Variants in TFRC observed in about 807,000 individuals in gnomAD.
TFRC encodes the protein transferrin receptor.
A neutral mutation model predicts 85.8 loss-of-function variants in TFRC; 35 were observed. The observed-to-expected ratio is 0.41, with a 90% CI of 0.31 to 0.54. The LOEUF is 0.54. TFRC is among the 20% of genes least tolerant of loss of function. TFRC has a pLI of 0.31. For missense variants in TFRC, 828 were observed against 921.5 expected, an observed-to-expected ratio of 0.90 and a Z score of 1.31; for synonymous variants, 362 against 328.6, an observed-to-expected ratio of 1.10 and a Z score of -1.10.
rs1718430397 is a variant in TFRC, at chr3:196,073,818, C to T, written c.434+112G>A. ...CCCTCTTTAGCTAAACATGACAAGT[C>T]TTGTCTTCTCTAACAAGCCATTCCC... On this transcript the variant is annotated intron_variant, in intron 4 of 18. Coordinates refer to ENST00000360110, the MANE Select transcript of TFRC (RefSeq NM_001128148.3). 7 of 1,152,150 alleles carry T rather than the reference C, an allele frequency of 6.1e-6. No individual in the cohort carries two copies. In the South Asian group the frequency reaches 1.2e-4, roughly 20 times the overall value. The allele number at this position is 1,152,150 out of a possible 1,614,324, so 71.4% of individuals were successfully genotyped here.
intron 14 of TFRC, among the ~76,000 whole-genome samples, chr3:196,059,753 T>C (rs750193635): frequency 2.0e-5 from 3 of 146,620 alleles, no homozygotes; most frequent in Admixed American, 6.8e-5. Context: ...CCCAATGCTA[T>C]CCCTCTCCCC....
intron 12 of TFRC, 21 bp from the exon 13 acceptor site, chr3:196,062,666 CTAA>C (rs777385707): frequency 1.9e-6 from 3 of 1,593,252 alleles, no homozygotes; most frequent in Admixed American, 1.8e-5. Context: ...AGGGAAAACA[CTAA>C]TAAGTATAAA....
Position 196,053,401 on chromosome 3 carries a change from C to A in TFRC, c.2040+17G>T, listed in dbSNP as rs773299527. On this transcript the variant is annotated intron_variant, in intron 18 of 18. Transcript: ENST00000360110. ...TTACACATACTTTAGTTCCTCCTTT[C>A]CCAAAAGTTCACTTACTCTCATGAC... 3 of 1,613,890 alleles carry A rather than the reference C, an allele frequency of 1.9e-6. No homozygotes were observed. Among genetic ancestry groups the A allele is most frequent in the Non-Finnish European group, 2.5e-6 (3 of 1,179,938 alleles).
chr3:196,054,980 G>C, intron 17 of TFRC, 100 bp downstream of exon 17: 3 of 1,169,634 alleles, frequency 2.6e-6, no homozygotes, highest in Non-Finnish European at 3.8e-6. Context: ...AATGTACTAT[G>C]GCTACAATCA....
At chr3:196,077,679 G>C (rs1718821940) in intron 1 of TFRC, among the ~76,000 whole-genome samples, 1 of 152,044 alleles carries the variant, frequency 6.6e-6, no homozygotes, top group East Asian at 1.9e-4. Context: ...GTGAACCCAG[G>C]AGGTGGAGCT....
chr3:196,077,611 A>G (rs1418025263), intron 1 of TFRC, among the ~76,000 whole-genome samples: 2 of 151,970 alleles, frequency 1.3e-5, no homozygotes, highest in South Asian at 2.1e-4. Flanking sequence ...AATTAGCCGG[A>G]CGTGGTGGTG....
At chr3:196,076,975 G>C (rs1577255639) in intron 2 of TFRC, 89 bp downstream of exon 2, 1 of 1,184,904 alleles carries the variant, frequency 8.4e-7, no homozygotes, top group East Asian at 2.4e-5. Context: ...TAATAGATTG[G>C]GGTTATTATT....
chr3:196,073,828 C>CT, intron 4 of TFRC, 102 bp downstream of exon 4: 1 of 1,255,026 alleles, frequency 8.0e-7, no homozygotes, highest in Non-Finnish European at 1.1e-6. Context: ...CTTGTCTTCT[C>CT]TAACAAGCCA....
At chr3:196,065,047 CAGGAGCT>C (rs1717598718) in intron 10 of TFRC, among the ~76,000 whole-genome samples, 1 of 151,970 alleles carries the variant, frequency 6.6e-6, no homozygotes. Flanking sequence ...CACCTGAGGT[CAGGAGCT>C]CTGACCTCAT....
intron 1 of TFRC, among the ~76,000 whole-genome samples, chr3:196,080,062 G>C (rs566091870): frequency 6.6e-6 from 1 of 152,304 alleles, no homozygotes; most frequent in East Asian, 1.9e-4. Flanking sequence ...ATTGGACCAG[G>C]AATCTTTTCC....
At chr3:196,067,707 T>A in intron 8 of TFRC, 50 bp from the exon 9 acceptor site, 1 of 1,591,804 alleles carries the variant, frequency 6.3e-7, no homozygotes, top group Non-Finnish European at 8.6e-7. Context: ...CCTCAAAACT[T>A]CTCTGTAAGA....
intron 13 of TFRC, among the ~76,000 whole-genome samples, chr3:196,061,572 C>T (rs1252314830): frequency 2.0e-5 from 3 of 152,086 alleles, no homozygotes; most frequent in African/African-American, 7.2e-5. Context: ...TCACTGCAAC[C>T]TCTGCCTCCC....
chr3:196,062,741 G>A lies in TFRC; in HGVS notation c.1405-96C>T, dbSNP rs773607872. ...CATTTTCAATTCTGGACTCTACTGA[G>A]ACTAAACGCAAAGGCAAAAGTGGTA... On this transcript the variant is annotated intron_variant, in intron 12 of 18. Transcript: ENST00000360110. 5.6e-5 allele frequency: 87 copies of A among 1,542,996 alleles called. 1 individual carries two copies. The highest frequency in any genetic ancestry group is 7.4e-5 in the Non-Finnish European group (83 of 1,122,440).
chr3:196,071,826 C>T (rs912542115), intron 5 of TFRC, among the ~76,000 whole-genome samples, 177 bp downstream of exon 5: 1 of 152,174 alleles, frequency 6.6e-6, no homozygotes, highest in Non-Finnish European at 1.5e-5. Context: ...ATCACTTGAA[C>T]CCAGAAGGCA....
At chr3:196,061,935 GCTCA>G (rs574419532) in intron 13 of TFRC, among the ~76,000 whole-genome samples, 12 of 152,278 alleles carry the variant, frequency 7.9e-5, no homozygotes, top group Non-Finnish European at 1.6e-4. Context: ...AAGCAATTGT[GCTCA>G]CTGTGTAACT....
chr3:196,074,925 T>C (rs920510068), intron 3 of TFRC, among the ~76,000 whole-genome samples: 1 of 147,264 alleles, frequency 6.8e-6, no homozygotes. Context: ...TGGGCGCCTA[T>C]AGTCCCAGCT....
At chr3:196,057,562 C>T (rs920595875) in intron 16 of TFRC, among the ~76,000 whole-genome samples, 1 of 152,166 alleles carries the variant, frequency 6.6e-6, no homozygotes, top group African/African-American at 2.4e-5. Flanking sequence ...TGAGCTACCA[C>T]ATCCAGCACA....
chr3:196,064,637 A>T (rs1717564976), intron 10 of TFRC, among the ~76,000 whole-genome samples: 1 of 152,198 alleles, frequency 6.6e-6, no homozygotes, highest in Admixed American at 6.5e-5. Flanking sequence ...TTTTTCCTAC[A>T]CTACTAATTA....
rs1368605610 is a variant in TFRC at position 196,075,060 on chromosome 3, AAAAAAAT to A, written c.238+92_238+98del. 1.5e-4 allele frequency: 105 copies of A among 707,950 alleles called. No homozygotes were observed. In the East Asian group the frequency reaches 1.9e-3, roughly 12 times the overall value. 43.9% of individuals were successfully genotyped at this position (707,950 alleles called of 1,614,324 possible). ...GCCTCTGTCTCCAAAAAAAAAAAAA[AAAAAAAT>A]AAGGTACAAAATAACTATATGCTGA... On this transcript the variant is annotated intron_variant, in intron 3 of 18. Coordinates refer to ENST00000360110, the MANE Select transcript of TFRC (RefSeq NM_001128148.3).
Sources: allele counts gnomAD v4.1 joint callset (sites outside exome capture counted in the v4.1 genomes callset), GRCh38; gene constraint gnomAD v4.1.1; transcripts MANE v1.5; gene names NCBI Gene and HGNC (gene_info 2026-07-23, HGNC 2026-07-21).